The following GOLGA4 variants were observed in gnomAD, a reference collection of about 807,000 sequenced individuals.
The protein encoded by GOLGA4 is golgin subfamily A member 4.
In GOLGA4, 169 loss-of-function variants were observed where a neutral mutation model predicts 265.9. The observed-to-expected ratio is 0.64, with a 90% CI of 0.56 to 0.72. GOLGA4 has a LOEUF of 0.72. Among genes scored for constraint, GOLGA4 ranks in the 30% least tolerant of loss-of-function variants. The pLI, the probability that GOLGA4 is intolerant of heterozygous loss-of-function variation, is 0.00. For missense variants in GOLGA4, 2,482 were observed against 2,483.4 expected (o/e 1.00, Z 0.01); for synonymous variants, 923 against 855.8 (o/e 1.08, Z -1.37).
At chr3:37,343,604 G>A (rs182508066) in intron 20 of GOLGA4, among the ~76,000 whole-genome samples, 18 of 152,288 alleles carry the variant, frequency 1.2e-4, no homozygotes, top group Middle Eastern at 3.4e-3. Flanking sequence ...TTGAACTCCA[G>A]GTCCTTCTCC....
chr3:37,363,497 C>T (rs1014901791), intron 23 of GOLGA4, among the ~76,000 whole-genome samples: 2 of 152,182 alleles, frequency 1.3e-5, no homozygotes, highest in East Asian at 1.9e-4. Flanking sequence ...ATACCCTTCA[C>T]CTAGTAATGT....
In GOLGA4 at chr3:37,322,986, G is replaced by T. The variant is rs912239346; in HGVS notation, c.1702-602G>T. On this transcript the variant is annotated intron_variant, in intron 13 of 23. Coordinates refer to ENST00000361924, the MANE Select transcript of GOLGA4 (RefSeq NM_002078.5). ...AGAAGTTACTGTTATGAATTTTATGGTTTATTTCTTTTTACTATCCAGTTA... is the reference window on the plus strand; with the variant it reads ...AGAAGTTACTGTTATGAATTTTATGTTTTATTTCTTTTTACTATCCAGTTA... 7.9e-5 allele frequency among the ~76,000 whole-genome samples: 12 copies of T among 151,944 alleles called. 1 individual carries two copies. The highest frequency in any genetic ancestry group is 7.2e-4 in the Admixed American group (11 of 15,248).
intron 2 of GOLGA4, among the ~76,000 whole-genome samples, chr3:37,261,090 G>T (rs1249830141): frequency 6.6e-6 from 1 of 151,392 alleles, no homozygotes; most frequent in African/African-American, 2.4e-5. Flanking sequence ...AAGATTTTTT[G>T]ATCCCAGGAG....
At chr3:37,244,726 CAT>C (rs201814366) in intron 1 of GOLGA4, among the ~76,000 whole-genome samples, 7 of 152,336 alleles carry the variant, frequency 4.6e-5, no homozygotes, top group South Asian at 2.1e-4. Context: ...ATGTAAAGCT[CAT>C]GTGTAGTAAA....
intron 22 of GOLGA4, 38 bp from the exon 23 acceptor site, chr3:37,361,205 A>G (rs749654580): frequency 1.3e-6 from 2 of 1,504,670 alleles, no homozygotes; most frequent in Non-Finnish European, 1.9e-6. Context: ...AAGTCTTAAA[A>G]CTAACCCAAT....
intron 3 of GOLGA4, among the ~76,000 whole-genome samples, chr3:37,283,162 C>T (rs1578489190): frequency 6.6e-6 from 1 of 151,900 alleles, no homozygotes; most frequent in African/African-American, 2.4e-5. Context: ...TATCCTACAA[C>T]CAAAAACAAA....
chr3:37,324,118 G>GGT lies in GOLGA4; in HGVS notation c.2233_2234dup (p.Ser746TyrfsTer10). ...TTGACAGTATCATTAAAGAACACGA[G>GGT]GTATCTATCCAGAGGACTGAGAAGG... is the stretch of plus-strand genomic sequence containing the variant. On this transcript the variant is annotated frameshift_variant, in exon 14 of 24. Coordinates refer to ENST00000361924, the MANE Select transcript of GOLGA4 (RefSeq NM_002078.5). LOFTEE classifies it high-confidence loss of function. The GGT allele has an allele frequency of 6.2e-7, 1 of 1,613,982 alleles. No individual in the cohort carries two copies. The highest frequency in any genetic ancestry group is 8.5e-7 in the Non-Finnish European group (1 of 1,179,952).
chr3:37,340,158 A>G lies in GOLGA4; in HGVS notation c.6431A>G (p.Glu2144Gly), dbSNP rs1168684522. The change falls in exon 20 of 24, where the codon GAA becomes GGA. Residue 2144 changes from glutamate (E) to glycine (G), a missense_variant. By Grantham distance (98) the Glu-to-Gly change is moderately conservative. Transcript: ENST00000361924. ...TTAGAAGACCGTTTGAAGAAATATG[A>G]AAAGAATGTATATGCAACAACTGTG... ...HNLEDRLKKY[E>G]KNVYATTVGT... is the part of the protein sequence containing the mutation. The G allele has an allele frequency of 3.5e-6, 5 of 1,432,832 alleles. No homozygotes were observed. The highest frequency in any genetic ancestry group is 4.9e-6 in the Non-Finnish European group (5 of 1,028,258). 88.8% of individuals were successfully genotyped at this position (1,432,832 alleles called of 1,614,324 possible). A position where few individuals can be genotyped will look rare whatever the true frequency, so the allele number is the denominator to read the frequency against.
chr3:37,302,471 A>AATAC, intron 10 of GOLGA4, 139 bp downstream of exon 10: 1 of 751,828 alleles, frequency 1.3e-6, no homozygotes. Context: ...CCATCTGCTC[A>AATAC]TTAGAGGAGG....
intron 9 of GOLGA4, among the ~76,000 whole-genome samples, chr3:37,300,264 C>T (rs1408152563): frequency 6.6e-6 from 1 of 152,166 alleles, no homozygotes; most frequent in Non-Finnish European, 1.5e-5. Context: ...TGTCTTTCAG[C>T]TCCAAGTTCT....
chr3:37,305,632 G>T (rs2096904108), intron 10 of GOLGA4, among the ~76,000 whole-genome samples: 1 of 152,120 alleles, frequency 6.6e-6, no homozygotes, highest in Non-Finnish European at 1.5e-5. Context: ...TTTATTCTTT[G>T]TTAGATTTAA....
At chr3:37,289,193 A>G (rs1429863942) in intron 4 of GOLGA4, 42 bp from the exon 5 acceptor site, 1 of 1,030,902 alleles carries the variant, frequency 9.7e-7, no homozygotes, top group South Asian at 1.4e-5. Context: ...TATGTCATAC[A>G]GTTAGCTGTT....
chr3:37,321,979 C>T (rs940130481), intron 13 of GOLGA4, 93 bp downstream of exon 13: 1 of 997,248 alleles, frequency 1.0e-6, no homozygotes, highest in Non-Finnish European at 1.5e-6. Context: ...TCGAAGATTA[C>T]TGGATTAGAT....
chr3:37,329,197 G>T (rs950243375), intron 16 of GOLGA4, 104 bp downstream of exon 16: 40 of 965,798 alleles, frequency 4.1e-5, no homozygotes, highest in Admixed American at 1.5e-4. Flanking sequence ...GAACGAAAAG[G>T]GTTTTTTTTT....
chr3:37,326,186 C>G lies in GOLGA4; in HGVS notation c.4300C>G (p.Gln1434Glu). ...TAAAGAGAAAATTTCTGCTCTTGAG[C>G]AGGTAGATGACTGGTCCAATAAATT... The part of the protein sequence containing the change: ...LSKEKISALE[Q>E]VDDWSNKFSE... The change falls in exon 14 of 24, where the codon CAG becomes GAG. Residue 1434 changes from glutamine to glutamate, a missense_variant. Gln to Glu is a conservative substitution (Grantham distance 29). Coordinates refer to ENST00000361924, the MANE Select transcript of GOLGA4 (RefSeq NM_002078.5). The G allele has an allele frequency of 6.2e-7, 1 of 1,612,856 alleles. No individual in the cohort carries two copies. The highest frequency in any genetic ancestry group is 8.5e-7 in the Non-Finnish European group (1 of 1,178,994).
chr3:37,307,297 A>T (rs1403516973), intron 10 of GOLGA4, among the ~76,000 whole-genome samples: 1 of 152,216 alleles, frequency 6.6e-6, no homozygotes, highest in African/African-American at 2.4e-5. Context: ...ACCAAAAGAA[A>T]TTCATTAGAA....
chr3:37,275,664 G>T (rs562925319), intron 2 of GOLGA4: 1 of 1,611,140 alleles, frequency 6.2e-7, no homozygotes, highest in African/African-American at 1.3e-5. Flanking sequence ...TTGCCAGCGG[G>T]GTGGGCGCGG....
At position 37,342,902 on chromosome 3, in the gene GOLGA4, A is replaced by AT. The variant is rs546184951; in HGVS notation, c.6472+2711dup. Among the ~76,000 whole-genome samples the AT allele has an allele frequency of 2.6e-5, 4 of 152,026 alleles. No individual in the cohort carries two copies. The South Asian group carries it at 6.2e-4, about 24-fold the overall frequency. On this transcript the variant is annotated intron_variant, in intron 20 of 23. Transcript: ENST00000361924. ...GCACCTCATCAGTGCTGGATATATAATTTTTTTTCTTTTTTGAGATGAAGT... is the reference window on the plus strand; with the variant it reads ...GCACCTCATCAGTGCTGGATATATAATTTTTTTTTCTTTTTTGAGATGAAGT...
chr3:37,334,595 C>T (rs2097003253), intron 16 of GOLGA4, among the ~76,000 whole-genome samples: 2 of 152,186 alleles, frequency 1.3e-5, no homozygotes, highest in Non-Finnish European at 2.9e-5. Flanking sequence ...ATACCTACTA[C>T]TTTATTTTAA....
Sources: allele counts gnomAD v4.1 joint callset (sites outside exome capture counted in the v4.1 genomes callset), GRCh38; gene constraint gnomAD v4.1.1; transcripts MANE v1.5; gene names NCBI Gene and HGNC (gene_info 2026-07-23, HGNC 2026-07-21).